Variants in SEMA3F observed in about 807,000 individuals in gnomAD.
SEMA3F encodes the protein semaphorin 3F.
In SEMA3F, 30 loss-of-function variants were observed where a neutral mutation model predicts 98.5. The ratio of observed to expected loss-of-function variants is 0.30; its 90% CI spans 0.23 to 0.41. The LOEUF (loss-of-function observed/expected upper bound fraction) is 0.41, where lower values mean the gene tolerates loss of function less well. Ranked by LOEUF, SEMA3F falls within the 10% of genes least tolerant of loss-of-function variation. The pLI is 1.00. For synonymous variants in SEMA3F, 380 were observed against 444.8 expected, an observed-to-expected ratio of 0.85 and a Z score of 1.83; for missense variants, 866 against 1,119.3, an observed-to-expected ratio of 0.77 and a Z score of 3.23.
intron 18 of SEMA3F, 73 bp from the exon 19 acceptor site, chr3:50,187,632 G>T (rs1253409166): frequency 3.0e-6 from 4 of 1,355,616 alleles, no homozygotes; most frequent in East Asian, 2.4e-5. Context: ...CACAAAGGTG[G>T]TCTGATCTGG....
In SEMA3F at chr3:50,186,644, T is replaced by C. The variant is rs1699228228; in HGVS notation, c.1845T>C (p.Tyr615=). Residue 615 remains tyrosine (Y), a synonymous_variant, in exon 18 of 19, where the codon TAT becomes TAC. Transcript: ENST00000002829. ...ANKNAVESVQ[Y]GVAGSAAFLE... ...AGAATGCCGTGGAGTCTGTGCAGTA[T>C]GGCGTGGCCGGCAGCGCAGCCTTCC... The C allele has an allele frequency of 6.2e-7, 1 of 1,607,092 alleles. No homozygotes were observed. Among genetic ancestry groups the C allele is most frequent in the Non-Finnish European group, 8.5e-7 (1 of 1,174,308 alleles).
rs1188542323 is a variant in SEMA3F, at chr3:50,156,946, C to T, written c.-49+1382C>T. 6.6e-6 allele frequency among the ~76,000 whole-genome samples: 1 copy of T among 151,592 alleles called. No individual in the cohort carries two copies. The highest frequency in any genetic ancestry group is 1.5e-5 in the Non-Finnish European group (1 of 67,922). ...GCTGGGGTGGCTCTGCTTCCTGGTC[C>T]TTGAGGTGTTGGGGGATGGGGAAGC... is the stretch of plus-strand genomic sequence containing the variant. On this transcript the variant is annotated intron_variant, in intron 1 of 18. Coordinates refer to ENST00000002829, the MANE Select transcript of SEMA3F (RefSeq NM_004186.5). This position sits in a 1 kb window ranked among gnomAD's most constrained non-coding sequence, Gnocchi z 4.5.
At chr3:50,173,527 A>C (rs1209951430) in intron 2 of SEMA3F, 5 of 455,668 alleles carry the variant, frequency 1.1e-5, no homozygotes, top group Non-Finnish European at 2.0e-5. Flanking sequence ...CTGTAATCCC[A>C]GCTAGTCAGG....
intron 7 of SEMA3F, among the ~76,000 whole-genome samples, 192 bp downstream of exon 7, chr3:50,177,053 G>A (rs1041307334): frequency 6.6e-6 from 1 of 152,236 alleles, no homozygotes; most frequent in Non-Finnish European, 1.5e-5. Context: ...CAGAGACTGG[G>A]TGGTAGAAGC....
At chr3:50,161,445 G>T (rs938191625) in intron 2 of SEMA3F, among the ~76,000 whole-genome samples, 1 of 152,222 alleles carries the variant, frequency 6.6e-6, no homozygotes, top group African/African-American at 2.4e-5. Flanking sequence ...GCGTCAGGTC[G>T]ATTCCCTCTC....
chr3:50,157,848 A>G (rs1053100944), intron 1 of SEMA3F, among the ~76,000 whole-genome samples: 2 of 152,186 alleles, frequency 1.3e-5, no homozygotes, highest in Non-Finnish European at 2.9e-5. Context: ...GAAGGAAAAA[A>G]TGAGGTCATG....
At chr3:50,179,819 C>A (rs1299853508) in intron 7 of SEMA3F, among the ~76,000 whole-genome samples, 1 of 152,226 alleles carries the variant, frequency 6.6e-6, no homozygotes, top group Non-Finnish European at 1.5e-5. Context: ...TCAAACCTTT[C>A]TTCTCCAGCT....
At chr3:50,170,706 G>A (rs1698567898) in intron 2 of SEMA3F, among the ~76,000 whole-genome samples, 1 of 152,098 alleles carries the variant, frequency 6.6e-6, no homozygotes, top group Non-Finnish European at 1.5e-5. Flanking sequence ...CTCAGGTCAT[G>A]AAGCTCACCC....
rs1699038130 is a variant in SEMA3F, at chr3:50,182,199, A to G, written c.644-85A>G. The G allele has an allele frequency of 6.4e-7, 1 of 1,569,216 alleles. No homozygotes were observed. The highest frequency in any genetic ancestry group is 8.8e-7 in the Non-Finnish European group (1 of 1,141,498). ...CCCCAGGGAGCCTGAGCGGGGAGATAAGGCCCTGCCCTGGAAGTCATCTGA... is the reference window on the plus strand; with the variant it reads ...CCCCAGGGAGCCTGAGCGGGGAGATGAGGCCCTGCCCTGGAAGTCATCTGA... On this transcript the variant is annotated intron_variant, in intron 7 of 18. Coordinates refer to ENST00000002829, the MANE Select transcript of SEMA3F (RefSeq NM_004186.5). The surrounding 1 kb of genome is among the most constrained non-coding windows in gnomAD (Gnocchi z 4.5).
At chr3:50,175,046 C>T (rs756382009) in intron 5 of SEMA3F, 50 bp from the exon 6 acceptor site, 52 of 1,334,198 alleles carry the variant, frequency 3.9e-5, no homozygotes, top group Non-Finnish European at 5.3e-5. Context: ...GAGCCCGCTC[C>T]CCCAGCCCCT....
In SEMA3F at chr3:50,187,987, C is replaced by T. The variant is rs1439044066; in HGVS notation, c.2230C>T (p.Gln744Ter). The T allele has an allele frequency of 1.2e-6, 2 of 1,608,114 alleles. No homozygotes were observed. The highest frequency in any genetic ancestry group is 2.7e-5 in the African/African-American group (2 of 74,640). The change falls in exon 19 of 19, where the codon CAG (glutamine) becomes TAG (stop). Residue 744 changes from glutamine to a stop codon, truncating the protein, a stop_gained. Transcript: ENST00000002829. LOFTEE classifies it high-confidence loss of function. ...LAQPEVGLIH[Q>*]YCQGYWRHVP... ...CCAGCCAGAAGTGGGCCTCATCCAC[C>T]AGTACTGCCAGGGTTACTGGCGCCA...
At chr3:50,157,158 AC>A (rs1481779445) in intron 1 of SEMA3F, among the ~76,000 whole-genome samples, 1 of 147,206 alleles carries the variant, frequency 6.8e-6, no homozygotes, top group East Asian at 2.0e-4. Flanking sequence ...CAGGCTGTCC[AC>A]CCCCACCCCC....
Position 50,188,235 on chromosome 3 carries a change from A to G in SEMA3F, c.*120A>G. 1 of 357,348 alleles carries G rather than the reference A, an allele frequency of 2.8e-6. No homozygotes were observed. The highest frequency in any genetic ancestry group is 4.4e-6 in the Non-Finnish European group (1 of 229,366). 22.1% of individuals were successfully genotyped at this position (357,348 alleles called of 1,614,324 possible). ...ATTCTATACACACCCTGCCCCTGCA[A>G]AGACAGTATTTATTGGTGGGTTGAA... is the stretch of plus-strand genomic sequence containing the variant. On this transcript the variant is annotated 3_prime_UTR_variant, in exon 19 of 19. Coordinates refer to ENST00000002829, the MANE Select transcript of SEMA3F (RefSeq NM_004186.5). This position sits in a 1 kb window ranked among gnomAD's most constrained non-coding sequence, Gnocchi z 4.5.
At chr3:50,187,173 C>T (rs560483192) in intron 18 of SEMA3F, among the ~76,000 whole-genome samples, 1 of 152,094 alleles carries the variant, frequency 6.6e-6, no homozygotes, top group Non-Finnish European at 1.5e-5. Flanking sequence ...ACACCTGTAA[C>T]CCCAACACTT....
intron 2 of SEMA3F, among the ~76,000 whole-genome samples, chr3:50,160,867 C>T (rs1698180269): frequency 6.6e-6 from 1 of 152,200 alleles, no homozygotes. Flanking sequence ...CTTATCATCA[C>T]TCTTCCCAGT....
Position 50,186,310 on chromosome 3 carries a change from G to C in SEMA3F, c.1775G>C (p.Gly592Ala). 1 of 1,613,890 alleles carries C rather than the reference G, an allele frequency of 6.2e-7. No individual in the cohort carries two copies. The highest frequency in any genetic ancestry group is 8.5e-7 in the Non-Finnish European group (1 of 1,180,000). ...AGCCGCCGGCAGGACGTCCGGCACG[G>C]AAACCCCATCAGGCAGTGCCGTGGG... is the stretch of plus-strand genomic sequence containing the variant. Reference protein sequence around the residue: ...RRSRRQDVRHGNPIRQCRGFN... With the variant: ...RRSRRQDVRHANPIRQCRGFN... Residue 592 changes from glycine (G) to alanine (A), a missense_variant, in exon 17 of 19, where the codon GGA (glycine) becomes GCA (alanine). Transcript: ENST00000002829.
Position 50,155,748 on chromosome 3 carries a change from C to T in SEMA3F, c.-49+184C>T. 4.5e-6 allele frequency: 1 copy of T among 220,836 alleles called. No individual in the cohort carries two copies. The highest frequency in any genetic ancestry group is 8.8e-6 in the Non-Finnish European group (1 of 113,322). The allele number at this position is 220,836 out of a possible 1,614,324, so 13.7% of individuals were successfully genotyped here. On this transcript the variant is annotated intron_variant, in intron 1 of 18. Transcript: ENST00000002829. This position sits in a 1 kb window ranked among gnomAD's most constrained non-coding sequence, Gnocchi z 4.9. ...GGGATTCTTACCTGTCCTGGAGGCC[C>T]GGACCCCTTACCTACGGGGCGGCGT...
intron 7 of SEMA3F, among the ~76,000 whole-genome samples, chr3:50,179,103 G>A (rs1301606774): frequency 2.0e-5 from 3 of 152,032 alleles, no homozygotes; most frequent in African/African-American, 7.2e-5. Context: ...GATTACAGGC[G>A]TGAGCCACCA....
chr3:50,155,477 G>A lies in SEMA3F; in HGVS notation c.-136G>A, dbSNP rs767974343. ...GGTCGCGGGCAGGGCCATGGCCCCG[G>A]GGGGCCGCTAGCGCGGACCGGCCCA... On this transcript the variant is annotated 5_prime_UTR_variant, in exon 1 of 19. Transcript: ENST00000002829. The surrounding 1 kb of genome is among the most constrained non-coding windows in gnomAD (Gnocchi z 4.9). The A allele has an allele frequency of 1.5e-3, 476 of 312,174 alleles. 2 individuals carry two copies. Among genetic ancestry groups the A allele is most frequent in the Non-Finnish European group, 2.4e-3 (412 of 171,490 alleles). The allele number at this position is 312,174 out of a possible 1,614,324, so 19.3% of individuals were successfully genotyped here.
Sources: allele counts gnomAD v4.1 joint callset (sites outside exome capture counted in the v4.1 genomes callset), GRCh38; gene constraint gnomAD v4.1.1; non-coding constraint Gnocchi (gnomAD v3.1); transcripts MANE v1.5; gene names NCBI Gene and HGNC (gene_info 2026-07-23, HGNC 2026-07-21).